TRMT61B: variants seen among roughly 807,000 people sequenced by gnomAD.
TRMT61B encodes the protein tRNA methyltransferase 61B, also known as tRNA (adenine(58)-N(1))-methyltransferase, mitochondrial.
TRMT61B carries 56 observed loss-of-function variants against 52.0 expected under a neutral mutation model. The ratio of observed to expected loss-of-function variants is 1.08; its 90% confidence interval spans 0.87 to 1.35. The LOEUF is 1.35. Among genes scored for constraint, TRMT61B ranks in the 40% most tolerant of loss-of-function variants. The probability of loss-of-function intolerance (pLI) is 0.00; values close to 1 mark genes in which losing one functional copy is unlikely to be tolerated. For missense variants in TRMT61B, 650 were observed against 577.9 expected (o/e 1.12, Z -1.28); for synonymous variants, 206 against 220.0 (o/e 0.94, Z 0.56).
rs1266556147 is a variant in TRMT61B, at chr2:28,865,135, GT to G, written c.700-17del. ...TATTAATATCCTATGATTGAAAACA[GT>G]ATGGGTGACTCAGCGACCAATAAAT... On this transcript the variant is annotated splice_polypyrimidine_tract_variant and intron_variant, in intron 1 of 6. Transcript: ENST00000306108. 8.2e-6 allele frequency: 12 copies of G among 1,456,280 alleles called. No individual in the cohort carries two copies. Among genetic ancestry groups the G allele is most frequent in the Non-Finnish European group, 1.2e-5 (12 of 1,038,166 alleles). 90.2% of individuals were successfully genotyped at this position (1,456,280 alleles called of 1,614,324 possible).
Position 28,850,048 on chromosome 2 carries a change from CT to C in TRMT61B, c.*150del. 1 of 1,168,866 alleles carries C rather than the reference CT, an allele frequency of 8.6e-7. No homozygotes were observed. The highest frequency in any genetic ancestry group is 1.2e-6 in the Non-Finnish European group (1 of 809,246). The allele number at this position is 1,168,866 out of a possible 1,614,324, so 72.4% of individuals were successfully genotyped here. A position where few individuals can be genotyped will look rare whatever the true frequency, so the allele number is the denominator to read the frequency against. On this transcript the variant is annotated 3_prime_UTR_variant, in exon 7 of 7. Coordinates refer to ENST00000306108, the MANE Select transcript of TRMT61B (RefSeq NM_017910.4). ...TAAGCAGTTTTGCTATGTTATACAT[CT>C]TTTAGTTGTTATTTTCAAAATTATA... is the stretch of plus-strand genomic sequence containing the variant.
chr2:28,853,258 T>C (rs1669199663), intron 3 of TRMT61B, among the ~76,000 whole-genome samples: 1 of 151,780 alleles, frequency 6.6e-6, no homozygotes, highest in Non-Finnish European at 1.5e-5. Flanking sequence ...TCGCTGCAAC[T>C]TCCACCTCCT....
At chr2:28,862,204 CAAAAA>C (rs66527180) in intron 2 of TRMT61B, among the ~76,000 whole-genome samples, 2 of 65,456 alleles carry the variant, frequency 3.1e-5, no homozygotes, top group Non-Finnish European at 5.5e-5. Flanking sequence ...GACTCCGTCT[CAAAAA>C]AAAAAAAAAA....
At position 28,866,617 on chromosome 2, in the gene TRMT61B, G is replaced by C. The variant is rs551874037; in HGVS notation, c.700-1498C>G. Among the ~76,000 whole-genome samples the C allele has an allele frequency of 2.6e-5, 4 of 152,194 alleles. No individual in the cohort carries two copies. In the East Asian group the frequency reaches 7.7e-4, roughly 29 times the overall value. ...AACCTGCTGTGTGGCCCGGTTCCCTGTTACAGGCCACACACTGGTACCAGT... is the reference window on the plus strand; with the variant it reads ...AACCTGCTGTGTGGCCCGGTTCCCTCTTACAGGCCACACACTGGTACCAGT... On this transcript the variant is annotated intron_variant, in intron 1 of 6. Coordinates refer to ENST00000306108, the MANE Select transcript of TRMT61B (RefSeq NM_017910.4).
intron 2 of TRMT61B, among the ~76,000 whole-genome samples, chr2:28,862,960 C>T (rs1175942417): frequency 6.6e-6 from 1 of 151,168 alleles, no homozygotes; most frequent in East Asian, 2.0e-4. Flanking sequence ...AGGAGTACTA[C>T]ATTTTAACTT....
Position 28,866,872 on chromosome 2 carries a change from G to A in TRMT61B, c.700-1753C>T, listed in dbSNP as rs899910100. 2.6e-5 allele frequency among the ~76,000 whole-genome samples: 4 copies of A among 152,154 alleles called. No individual in the cohort carries two copies. The East Asian group carries it at 7.7e-4, about 29-fold the overall frequency. On this transcript the variant is annotated intron_variant, in intron 1 of 6. Coordinates refer to ENST00000306108, the MANE Select transcript of TRMT61B (RefSeq NM_017910.4). ...GTGTAGTAGTGCAATAGTAGCTCAC[G>A]GCAGCCTCGAACTTCTGGGCTCAAG... is the stretch of plus-strand genomic sequence containing the variant.
chr2:28,870,104 T>G lies in TRMT61B; in HGVS notation c.174A>C (p.Gln58His), dbSNP rs745998469. The G allele has an allele frequency of 1.9e-6, 3 of 1,614,046 alleles. No homozygotes were observed. The highest frequency in any genetic ancestry group is 1.3e-5 in the African/African-American group (1 of 75,064). Reference protein sequence around the residue: ...RDGEREHEAAQRKAPGAESCP... With the variant: ...RDGEREHEAAHRKAPGAESCP... ...AAGACTCTGCTCCTGGGGCTTTCCT[T>G]TGTGCCGCCTCGTGCTCTCTTTCTC... Residue 58 changes from glutamine (Q) to histidine (H), a missense_variant, in exon 1 of 7, where the codon CAA (glutamine) becomes CAC (histidine). Transcript: ENST00000306108.
chr2:28,868,418 G>A (rs1198957623), intron 1 of TRMT61B, among the ~76,000 whole-genome samples: 1 of 152,152 alleles, frequency 6.6e-6, no homozygotes. Flanking sequence ...CAATGTCATT[G>A]TTAATATATT....
chr2:28,869,812 G>GC lies in TRMT61B; in HGVS notation c.465_466insG (p.Leu156AlafsTer5). On this transcript the variant is annotated frameshift_variant, in exon 1 of 7. Coordinates refer to ENST00000306108, the MANE Select transcript of TRMT61B (RefSeq NM_017910.4). LOFTEE classifies it high-confidence loss of function. Reference sequence around the variant, plus strand: ...CCCTCCCCAGTCTCAGCTAAAATCAGTTCCCCAGCCTGAAAGGGTCTCTCT... The same window carrying GC: ...CCCTCCCCAGTCTCAGCTAAAATCAGCTTCCCCAGCCTGAAAGGGTCTCTCT... 1.2e-6 allele frequency: 2 copies of GC among 1,614,098 alleles called. No individual in the cohort carries two copies. Among genetic ancestry groups the GC allele is most frequent in the Non-Finnish European group, 1.7e-6 (2 of 1,180,002 alleles).
rs144714931 is a variant in TRMT61B at position 28,857,473 on chromosome 2, T to C, written c.993+3645A>G. On this transcript the variant is annotated intron_variant, in intron 3 of 6. Coordinates refer to ENST00000306108, the MANE Select transcript of TRMT61B (RefSeq NM_017910.4). ...TGACCTTTAAGCTTTAAAGGGAGAA[T>C]AGAGTTTAAACAGGCAGAGAAAAGA... 1.3e-4 allele frequency among the ~76,000 whole-genome samples: 20 copies of C among 152,138 alleles called. No individual in the cohort carries two copies. The East Asian group carries it at 3.3e-3, about 25-fold the overall frequency.
intron 3 of TRMT61B, among the ~76,000 whole-genome samples, chr2:28,858,819 A>AAAAAAG (rs1558343787): frequency 4.0e-5 from 6 of 148,852 alleles, no homozygotes; most frequent in African/African-American, 1.2e-4. Flanking sequence ...AAAAAAAAAA[A>AAAAAAG]GAAAAGCTCC....
chr2:28,850,023 T>C lies in TRMT61B; in HGVS notation c.*176A>G. On this transcript the variant is annotated 3_prime_UTR_variant, in exon 7 of 7. Transcript: ENST00000306108. ...AAGACAAGTGTCAAAATGGGATGTT[T>C]AAGCAGTTTTGCTATGTTATACATC... 7.9e-7 allele frequency: 1 copy of C among 1,264,672 alleles called. No individual in the cohort carries two copies. Among genetic ancestry groups the C allele is most frequent in the Admixed American group, 2.2e-5 (1 of 45,194 alleles). 78.3% of individuals were successfully genotyped at this position (1,264,672 alleles called of 1,614,324 possible).
chr2:28,857,339 G>C (rs1669389969), intron 3 of TRMT61B, among the ~76,000 whole-genome samples: 1 of 151,984 alleles, frequency 6.6e-6, no homozygotes, highest in Non-Finnish European at 1.5e-5. Context: ...ACGACACATG[G>C]CAGGTTCTTA....
rs755194565 is a variant in TRMT61B, at chr2:28,851,117, CTT to C, written c.1265_1266del (p.Gln422ArgfsTer6). 1.9e-6 allele frequency: 3 copies of C among 1,611,360 alleles called. No individual in the cohort carries two copies. The highest frequency in any genetic ancestry group is 2.2e-5 in the South Asian group (2 of 90,546). On this transcript the variant is annotated frameshift_variant, in exon 5 of 7. Transcript: ENST00000306108. LOFTEE classifies it high-confidence loss of function. Reference protein sequence around the residue: ...KINTDVQLDSQEKIGVKGELF... With the variant: ...KINTDVQLDSXEKIGVKGELF... ...AGCTCACCTTTAACTCCAATTTTCT[CTT>C]GAGAATCTAGTTGTACATCTGTGTT...
At chr2:28,859,163 T>C (rs1669487046) in intron 3 of TRMT61B, among the ~76,000 whole-genome samples, 1 of 152,140 alleles carries the variant, frequency 6.6e-6, no homozygotes, top group Admixed American at 6.6e-5. Flanking sequence ...CACTGCAAGC[T>C]CCGCCTCCCG....
Position 28,869,979 on chromosome 2 carries a change from C to A in TRMT61B, c.299G>T (p.Arg100Leu). 1 of 1,613,684 alleles carries A rather than the reference C, an allele frequency of 6.2e-7. No individual in the cohort carries two copies. Among genetic ancestry groups the A allele is most frequent in the Non-Finnish European group, 8.5e-7 (1 of 1,179,974 alleles). The change falls in exon 1 of 7, where the codon CGA becomes CTA. Residue 100 changes from arginine to leucine, a missense_variant. Arg to Leu is a moderately radical substitution (Grantham distance 102). Coordinates refer to ENST00000306108, the MANE Select transcript of TRMT61B (RefSeq NM_017910.4). ...GTCTCCGCTCGAGTCCTCGAGCTCTCGAGGGGATGACTCTTCCCGCAGCGT... is the reference window on the plus strand; with the variant it reads ...GTCTCCGCTCGAGTCCTCGAGCTCTAGAGGGGATGACTCTTCCCGCAGCGT... ...LPTLREESSP[R>L]ELEDSSGDQG...
chr2:28,861,688 G>T (rs1195256162), intron 2 of TRMT61B, among the ~76,000 whole-genome samples: 1 of 152,126 alleles, frequency 6.6e-6, no homozygotes, highest in Non-Finnish European at 1.5e-5. Context: ...GTATGGCTAC[G>T]ATGAACATTT....
Position 28,869,720 on chromosome 2 carries a change from T to G in TRMT61B, c.558A>C (p.Ala186=). 1 of 1,614,208 alleles carries G rather than the reference T, an allele frequency of 6.2e-7. No homozygotes were observed. The highest frequency in any genetic ancestry group is 8.5e-7 in the Non-Finnish European group (1 of 1,180,038). ...NFGLLNSNWG[A]VPFGKIVGKF... ...TCCCCACGATCTTGCCGAACGGGAC[T>G]GCCCCCCAGTTACTATTTAAGAGTC... The change falls in exon 1 of 7, where the codon GCA becomes GCC. Residue 186 remains alanine, a synonymous_variant. Coordinates refer to ENST00000306108, the MANE Select transcript of TRMT61B (RefSeq NM_017910.4).
Position 28,852,495 on chromosome 2 carries a change from G to C in TRMT61B, c.998C>G (p.Ala333Gly), listed in dbSNP as rs772046323. 6.2e-7 allele frequency: 1 copy of C among 1,602,484 alleles called. No individual in the cohort carries two copies. Among genetic ancestry groups the C allele is most frequent in the Non-Finnish European group, 8.5e-7 (1 of 1,173,114 alleles). ...AACATGAGGATTTAACATATCCAAA[G>C]CTACCTGTGTGGGGGAAAAAGAGAA... ...DIKSLTFDAVALDMLNPHVTL... is the reference protein window; with the variant it reads ...DIKSLTFDAVGLDMLNPHVTL... The change falls in exon 4 of 7, where the codon GCT (alanine) becomes GGT (glycine). Residue 333 changes from alanine to glycine, a missense_variant. Physicochemically the swap from Ala to Gly is moderately conservative, Grantham distance 60. Coordinates refer to ENST00000306108, the MANE Select transcript of TRMT61B (RefSeq NM_017910.4).
Sources: allele counts gnomAD v4.1 joint callset (sites outside exome capture counted in the v4.1 genomes callset), GRCh38; gene constraint gnomAD v4.1.1; transcripts MANE v1.5; gene names NCBI Gene and HGNC (gene_info 2026-07-23, HGNC 2026-07-21).